Variants in GNAQ observed in about 807,000 individuals in gnomAD.
GNAQ encodes guanine nucleotide-binding protein G(q) subunit alpha.
In GNAQ, 8 loss-of-function variants were observed where a neutral mutation model predicts 43.9. That is an observed-to-expected ratio of 0.18 (90% CI 0.11 to 0.33). The LOEUF (loss-of-function observed/expected upper bound fraction) is 0.33. Ranked by LOEUF, GNAQ falls within the 10% of genes least tolerant of loss-of-function variation. GNAQ has a pLI of 1.00. For missense variants in GNAQ, 158 were observed against 450.8 expected, an observed-to-expected ratio of 0.35 and a Z score of 5.88; for synonymous variants, 155 against 170.7, an observed-to-expected ratio of 0.91 and a Z score of 0.71.
At chr9:77,769,902 G>A (rs926967194) in intron 5 of GNAQ, among the ~76,000 whole-genome samples, 3 of 151,958 alleles carry the variant, frequency 2.0e-5, no homozygotes, top group East Asian at 1.9e-4. Flanking sequence ...TCCTGACCTC[G>A]TGATCTGCCC....
At chr9:77,985,188 T>A (rs1823419961) in intron 1 of GNAQ, among the ~76,000 whole-genome samples, 2 of 152,098 alleles carry the variant, frequency 1.3e-5, no homozygotes, top group Admixed American at 6.6e-5. Context: ...TAGGTGCCTG[T>A]AGTCCCAGCT....
chr9:77,955,460 T>A (rs1823030191), intron 1 of GNAQ, among the ~76,000 whole-genome samples: 1 of 152,176 alleles, frequency 6.6e-6, no homozygotes, highest in Admixed American at 6.5e-5. Flanking sequence ...TACTCCTTAG[T>A]GAAATCATGA....
intron 5 of GNAQ, among the ~76,000 whole-genome samples, chr9:77,753,741 G>A (rs1825854537): frequency 6.6e-6 from 1 of 152,128 alleles, no homozygotes; most frequent in African/African-American, 2.4e-5. Context: ...TGGATCATGA[G>A]TATTATTCTC....
chr9:77,842,815 T>A (rs1229317962), intron 2 of GNAQ, among the ~76,000 whole-genome samples: 2 of 152,164 alleles, frequency 1.3e-5, no homozygotes, highest in Non-Finnish European at 2.9e-5. Context: ...AAGGTTCCAA[T>A]GGGTACGTGT....
At chr9:77,901,182 C>T (rs1302796141) in intron 2 of GNAQ, among the ~76,000 whole-genome samples, 1 of 152,162 alleles carries the variant, frequency 6.6e-6, no homozygotes, top group African/African-American at 2.4e-5. Context: ...ACCACACTGT[C>T]ACACTCTCAT....
intron 1 of GNAQ, among the ~76,000 whole-genome samples, chr9:77,990,106 G>C (rs1322756869): frequency 1.3e-5 from 2 of 152,204 alleles, no homozygotes; most frequent in African/African-American, 2.4e-5. Flanking sequence ...TAGTATTCTT[G>C]ATAAGAAGAA....
At chr9:78,004,514 A>T (rs921628111) in intron 1 of GNAQ, among the ~76,000 whole-genome samples, 3 of 152,202 alleles carry the variant, frequency 2.0e-5, no homozygotes, top group South Asian at 4.1e-4. Flanking sequence ...AAGTTTGAGA[A>T]GTCCTGCGTG....
chr9:77,749,153 C>T (rs1825774246), intron 5 of GNAQ, among the ~76,000 whole-genome samples: 1 of 152,184 alleles, frequency 6.6e-6, no homozygotes, highest in African/African-American at 2.4e-5. Context: ...GGTTCTCAAT[C>T]CTTTCCATAG....
chr9:77,942,046 A>G (rs1678880583), intron 1 of GNAQ, among the ~76,000 whole-genome samples: 1 of 152,008 alleles, frequency 6.6e-6, no homozygotes, highest in East Asian at 1.9e-4. Context: ...TCTTTTTCCT[A>G]TTGCTAACTT....
At chr9:77,771,376 G>T (rs558814754) in intron 5 of GNAQ, among the ~76,000 whole-genome samples, 1 of 152,260 alleles carries the variant, frequency 6.6e-6, no homozygotes, top group Admixed American at 6.5e-5. Flanking sequence ...GCTAATTAGA[G>T]TATATATTAA....
At position 77,720,925 on chromosome 9, in the gene GNAQ, A is replaced by G. The variant is rs908855178; in HGVS notation, c.*398T>C. The G allele has an allele frequency of 8.3e-6, 2 of 240,772 alleles. No homozygotes were observed. The highest frequency in any genetic ancestry group is 1.6e-5 in the Non-Finnish European group (2 of 123,176). 14.9% of individuals were successfully genotyped at this position (240,772 alleles called of 1,614,324 possible). A position where few individuals can be genotyped will look rare whatever the true frequency, so the allele number is the denominator to read the frequency against. ...AAGGCCATTGTAACCTGGGAAAAAC[A>G]TCAGGAGGGAGGTATGAATTAGCGG... On this transcript the variant is annotated 3_prime_UTR_variant, in exon 7 of 7. Transcript: ENST00000286548.
chr9:77,835,278 C>T (rs1388094290), intron 2 of GNAQ, among the ~76,000 whole-genome samples: 1 of 151,570 alleles, frequency 6.6e-6, no homozygotes, highest in African/African-American at 2.4e-5. Context: ...TAAGGCCCTA[C>T]TAGATAAGGG....
intron 2 of GNAQ, among the ~76,000 whole-genome samples, chr9:77,872,075 A>G (rs570540709): frequency 6.6e-6 from 1 of 152,338 alleles, no homozygotes; most frequent in East Asian, 1.9e-4. Context: ...AATTTCCTGA[A>G]TGGCAAATGC....
intron 1 of GNAQ, among the ~76,000 whole-genome samples, chr9:77,962,070 G>C (rs1823113059): frequency 6.6e-6 from 1 of 151,980 alleles, no homozygotes; most frequent in Non-Finnish European, 1.5e-5. Context: ...GAGCAGATGA[G>C]ACTGAAAAGA....
chr9:77,988,423 T>A (rs1564171707), intron 1 of GNAQ, among the ~76,000 whole-genome samples: 1 of 152,212 alleles, frequency 6.6e-6, no homozygotes, highest in African/African-American at 2.4e-5. Flanking sequence ...TCATGTTGAT[T>A]AATCTGCCAA....
chr9:78,017,791 T>C (rs148284649), intron 1 of GNAQ, among the ~76,000 whole-genome samples: 1 of 152,256 alleles, frequency 6.6e-6, no homozygotes, highest in East Asian at 1.9e-4. Context: ...CATTTGTAGG[T>C]TTGGAGTTCA....
chr9:77,837,364 C>G (rs1416610299), intron 2 of GNAQ, among the ~76,000 whole-genome samples: 1 of 151,840 alleles, frequency 6.6e-6, no homozygotes, highest in African/African-American at 2.4e-5. Context: ...CCAGGCTGGC[C>G]AACATGGTGA....
intron 2 of GNAQ, among the ~76,000 whole-genome samples, chr9:77,845,698 C>T (rs187998853): frequency 3.2e-4 from 48 of 152,256 alleles, no homozygotes; most frequent in Middle Eastern, 3.4e-3. Context: ...CTGAAAGCAG[C>T]AAAGACACTT....
At chr9:77,924,216 C>T (rs1428915917) in intron 1 of GNAQ, among the ~76,000 whole-genome samples, 4 of 152,112 alleles carry the variant, frequency 2.6e-5, no homozygotes, top group African/African-American at 9.7e-5. Flanking sequence ...TAATCCCAAC[C>T]ATGAATACTG....
Sources: allele counts gnomAD v4.1 joint callset (sites outside exome capture counted in the v4.1 genomes callset), GRCh38; gene constraint gnomAD v4.1.1; transcripts MANE v1.5; gene names NCBI Gene and HGNC (gene_info 2026-07-23, HGNC 2026-07-21).